The following CASP8 variants were observed in gnomAD, a reference collection of about 807,000 sequenced individuals.
CASP8 encodes the protein caspase 8, also known as caspase-8.
Under a neutral mutation model 46.3 loss-of-function variants are expected in CASP8, and 24 were observed. The ratio of observed to expected loss-of-function variants is 0.52; its 90% CI spans 0.38 to 0.73. The LOEUF is 0.73. Ranked by LOEUF, CASP8 falls within the 30% of genes least tolerant of loss-of-function variation. The pLI, the probability that CASP8 is intolerant of heterozygous loss-of-function variation, is 0.00. For missense variants in CASP8, 460 were observed against 559.0 expected, an observed-to-expected ratio of 0.82 and a Z score of 1.79; for synonymous variants, 188 against 200.4, an observed-to-expected ratio of 0.94 and a Z score of 0.52.
chr2:201,276,863 C>T lies in CASP8; in HGVS notation c.697C>T (p.Arg233Trp), dbSNP rs760898260. The T allele has an allele frequency of 7.4e-6, 12 of 1,613,842 alleles. No individual in the cohort carries two copies. Among genetic ancestry groups the T allele is most frequent in the African/African-American group, 2.7e-5 (2 of 74,862 alleles). Residue 233 changes from arginine (R) to tryptophan (W), a missense_variant, in exon 7 of 9, where the codon CGG becomes TGG. Coordinates refer to ENST00000673742, the MANE Select transcript of CASP8 (RefSeq NM_001372051.1). ...DKVYQMKSKP[R>W]GYCLIINNHN... ...AGTTTACCAAATGAAAAGCAAACCT[C>T]GGGGATACTGTCTGATCATCAACAA...
chr2:201,258,136 G>A, upstream of CASP8: 1 of 1,390,356 alleles, frequency 7.2e-7, no homozygotes, highest in South Asian at 1.2e-5. Flanking sequence ...CTTTCTGCTG[G>A]AGGGAAGTGT....
chr2:201,263,521 GA>G (rs1559346647), intron 1 of CASP8, among the ~76,000 whole-genome samples: 1 of 152,194 alleles, frequency 6.6e-6, no homozygotes, highest in Non-Finnish European at 1.5e-5. Context: ...TGGTAGGAAA[GA>G]GTAAAATATT....
intron 2 of CASP8, among the ~76,000 whole-genome samples, chr2:201,251,429 T>A (rs938723633): frequency 6.6e-6 from 1 of 151,116 alleles, no homozygotes; most frequent in Non-Finnish European, 1.5e-5. Flanking sequence ...TCATCTCTAC[T>A]AAAAAAAATA....
chr2:201,255,342 C>A (rs914389201), intron 2 of CASP8, among the ~76,000 whole-genome samples: 1 of 152,142 alleles, frequency 6.6e-6, no homozygotes. Context: ...TCTCTTCAAG[C>A]GCTGGGATTA....
rs1045485 is a variant in CASP8, at chr2:201,284,866, G to C, written c.853G>C (p.Asp285His). 0.12 allele frequency: 186,352 copies of C among 1,613,940 alleles called. 12,010 individuals are homozygous for C. The highest frequency in any genetic ancestry group is 0.13 in the Non-Finnish European group (157,005 of 1,179,938). The change falls in exon 8 of 9, where the codon GAT becomes CAT. Residue 285 changes from aspartate (D) to histidine (H), a missense_variant. Asp to His is a moderately conservative substitution (Grantham distance 81, BLOSUM62 -1). Coordinates refer to ENST00000673742, the MANE Select transcript of CASP8 (RefSeq NM_001372051.1). ...EELHFEIKPH[D>H]DCTVEQIYEI... ...GCTTCATTTTGAGATCAAGCCCCAC[G>C]ATGACTGCACAGTAGAGCAAATCTA...
chr2:201,260,620 AT>A lies in CASP8; in HGVS notation c.-27+10del. 3 of 959,358 alleles carry A rather than the reference AT, an allele frequency of 3.1e-6. No individual in the cohort carries two copies. The highest frequency in any genetic ancestry group is 3.7e-6 in the Non-Finnish European group (3 of 806,248). The allele number at this position is 959,358 out of a possible 1,614,324, so 59.4% of individuals were successfully genotyped here. On this transcript the variant is annotated splice_region_variant and intron_variant, in intron 1 of 8. Transcript: ENST00000673742. ...CTACCATCGTGAGAGTAAGGTAAGGATTTGCCTCTTTGTTAAGGTCAGAGGG... is the reference window on the plus strand; with the variant it reads ...CTACCATCGTGAGAGTAAGGTAAGGATTGCCTCTTTGTTAAGGTCAGAGGG...
intron 2 of CASP8, among the ~76,000 whole-genome samples, chr2:201,249,090 G>A (rs1946659948): frequency 6.6e-6 from 1 of 152,072 alleles, no homozygotes; most frequent in African/African-American, 2.4e-5. Flanking sequence ...TGGGGGTCTT[G>A]CCATGTTGGT....
chr2:201,248,986 G>A (rs1946654251), intron 2 of CASP8, among the ~76,000 whole-genome samples: 1 of 152,102 alleles, frequency 6.6e-6, no homozygotes, highest in Non-Finnish European at 1.5e-5. Flanking sequence ...CTGCCTCCTG[G>A]GTTCAAGCAA....
chr2:201,267,067 C>T (rs1212741702), intron 2 of CASP8, among the ~76,000 whole-genome samples: 1 of 151,956 alleles, frequency 6.6e-6, no homozygotes, highest in Non-Finnish European at 1.5e-5. Flanking sequence ...AGATGTCCCA[C>T]CGGAGCCAGA....
At position 201,266,311 on chromosome 2, in the gene CASP8, A is replaced by G. The variant is rs776888189; in HGVS notation, c.-26-150A>G. 1.5e-6 allele frequency: 1 copy of G among 664,088 alleles called. No homozygotes were observed. Among genetic ancestry groups the G allele is most frequent in the Non-Finnish European group, 2.6e-6 (1 of 382,032 alleles). The allele number at this position is 664,088 out of a possible 1,614,324, so 41.1% of individuals were successfully genotyped here. A position where few individuals can be genotyped will look rare whatever the true frequency, so the allele number is the denominator to read the frequency against. On this transcript the variant is annotated intron_variant, in intron 1 of 8. Transcript: ENST00000673742. This position sits in a 1 kb window ranked among gnomAD's most constrained non-coding sequence, Gnocchi z 5.7. ...TGTTTGTATGTCTACCTTCCTAAAC[A>G]GTAAGAGGGAACTTGTCTGGTGTTC...
chr2:201,257,612 G>A (rs1176510751), upstream of CASP8, among the ~76,000 whole-genome samples: 2 of 152,196 alleles, frequency 1.3e-5, no homozygotes, highest in Admixed American at 6.5e-5. Context: ...TGGAGAACAT[G>A]GCCAAGGATG....
chr2:201,272,296 C>A lies in CASP8; in HGVS notation c.412-342C>A, dbSNP rs1948318532. On this transcript the variant is annotated intron_variant, in intron 3 of 8. Coordinates refer to ENST00000673742, the MANE Select transcript of CASP8 (RefSeq NM_001372051.1). The surrounding 1 kb of genome is among the most constrained non-coding windows in gnomAD (Gnocchi z 4.4). ...TGGAGAGGCAATGCTGGGGGTGAGG[C>A]TGTTCCCCAGGGTGTCACCATGATG... is the stretch of plus-strand genomic sequence containing the variant. Among the ~76,000 whole-genome samples, 3 of 152,002 alleles carry A rather than the reference C, an allele frequency of 2.0e-5. No individual in the cohort carries two copies. Among genetic ancestry groups the A allele is most frequent in the Admixed American group, 2.0e-4 (3 of 15,244 alleles).
chr2:201,235,263 T>C (rs1946000675), intron 2 of CASP8, among the ~76,000 whole-genome samples: 2 of 152,206 alleles, frequency 1.3e-5, no homozygotes, highest in South Asian at 4.1e-4. Context: ...TCCATCCTTA[T>C]ACTTTCAGTG....
rs559924038 is a variant in CASP8 at position 201,285,970 on chromosome 2, C to A, written c.1305-489C>A. ...CCTGCAAGGTTTCCGCGGCTAGCTA[C>A]CAAGGTAGAAGAAGAGGTTGCCTAA... On this transcript the variant is annotated intron_variant, in intron 8 of 8. Coordinates refer to ENST00000673742, the MANE Select transcript of CASP8 (RefSeq NM_001372051.1). Among the ~76,000 whole-genome samples, 4 of 152,314 alleles carry A rather than the reference C, an allele frequency of 2.6e-5. No individual in the cohort carries two copies. In the South Asian group the frequency reaches 8.3e-4, roughly 32 times the overall value.
In CASP8 at chr2:201,277,064, A is replaced by G. The variant is rs1948682167; in HGVS notation, c.802+96A>G. On this transcript the variant is annotated intron_variant, in intron 7 of 8. Transcript: ENST00000673742. Reference sequence around the variant, plus strand: ...GAACAAAAGCTATACCAAAAGGGCCATGTTTCAAGAAAATGGATTTAAACA... The same window carrying G: ...GAACAAAAGCTATACCAAAAGGGCCGTGTTTCAAGAAAATGGATTTAAACA... 3 of 844,872 alleles carry G rather than the reference A, an allele frequency of 3.6e-6. No homozygotes were observed. In the South Asian group the frequency reaches 4.4e-5, roughly 12 times the overall value. 52.3% of individuals were successfully genotyped at this position (844,872 alleles called of 1,614,324 possible). A position where few individuals can be genotyped will look rare whatever the true frequency, so the allele number is the denominator to read the frequency against.
Position 201,272,706 on chromosome 2 carries a change from G to A in CASP8, c.480G>A (p.Leu160=), listed in dbSNP as rs2125255316. Residue 160 remains leucine (L), a synonymous_variant, in exon 4 of 9, where the codon CTG becomes CTA. Coordinates refer to ENST00000673742, the MANE Select transcript of CASP8 (RefSeq NM_001372051.1). This position sits in a 1 kb window ranked among gnomAD's most constrained non-coding sequence, Gnocchi z 4.4. ...TGGGAGAAGGAAAGTTGGACATCCTGAAAAGAGTCTGTGCCCAAATCAACA... is the reference window on the plus strand; with the variant it reads ...TGGGAGAAGGAAAGTTGGACATCCTAAAAAGAGTCTGTGCCCAAATCAACA... ...VILGEGKLDI[L]KRVCAQINKS... The A allele has an allele frequency of 6.2e-7, 1 of 1,614,140 alleles. No homozygotes were observed.
chr2:201,240,681 C>A (rs76154213), intron 2 of CASP8: 1 of 152,012 alleles, frequency 6.6e-6, no homozygotes, highest in Non-Finnish European at 1.5e-5. Flanking sequence ...CCAAATGGAC[C>A]GAACAGAAAT....
Position 201,272,630 on chromosome 2 carries a change from C to T in CASP8, c.412-8C>T. 1 of 1,614,016 alleles carries T rather than the reference C, an allele frequency of 6.2e-7. No individual in the cohort carries two copies. Among genetic ancestry groups the T allele is most frequent in the Non-Finnish European group, 8.5e-7 (1 of 1,179,964 alleles). On this transcript the variant is annotated splice_polypyrimidine_tract_variant and splice_region_variant and intron_variant, in intron 3 of 8. Transcript: ENST00000673742. The surrounding 1 kb of genome is among the most constrained non-coding windows in gnomAD (Gnocchi z 4.4). ...CCAGATTCCCAACTTTATTTCTCCTCCTCTTAGAACCTGCTGGATATTTTC... is the reference window on the plus strand; with the variant it reads ...CCAGATTCCCAACTTTATTTCTCCTTCTCTTAGAACCTGCTGGATATTTTC...
chr2:201,240,354 A>G (rs1293817798), intron 2 of CASP8: 1 of 152,218 alleles, frequency 6.6e-6, no homozygotes, highest in Non-Finnish European at 1.5e-5. Flanking sequence ...CATGCAGATG[A>G]CAACCCAAAG....
Sources: gnomAD v4.1 joint callset for allele counts (sites outside exome capture counted in the v4.1 genomes callset) on GRCh38, gnomAD v4.1.1 for gene constraint, Gnocchi (gnomAD v3.1) non-coding constraint, MANE v1.5 for transcripts, NCBI Gene and HGNC (gene_info 2026-07-23, HGNC 2026-07-21) for gene names.